GPRC5A: variants seen among roughly 807,000 people sequenced by gnomAD.
The protein encoded by GPRC5A is G protein-coupled receptor class C group 5 member A.
In GPRC5A, 19 loss-of-function variants were observed where a neutral mutation model predicts 22.5. The ratio of observed to expected loss-of-function variants is 0.85; its 90% CI spans 0.59 to 1.24. The LOEUF (loss-of-function observed/expected upper bound fraction) is 1.24, where lower values mean the gene tolerates loss of function less well. GPRC5A is among the 50% of genes most tolerant of loss of function. GPRC5A has a pLI of 0.00. For synonymous variants in GPRC5A, 192 were observed against 184.5 expected, an observed-to-expected ratio of 1.04 and a Z score of -0.33; for missense variants, 471 against 451.1, an observed-to-expected ratio of 1.04 and a Z score of -0.40.
At chr12:12,897,611 T>TC (rs1306245705) in intron 1 of GPRC5A, among the ~76,000 whole-genome samples, 60 of 146,238 alleles carry the variant, frequency 4.1e-4, no homozygotes, top group African/African-American at 1.3e-3. Context: ...ATACGCTTCT[T>TC]TTTTTTTTTT....
chr12:12,915,980 T>C lies in GPRC5A; in HGVS notation c.*3441T>C, dbSNP rs1339716660. On this transcript the variant is annotated 3_prime_UTR_variant, in exon 4 of 4. Transcript: ENST00000014914. ...CTGCGGCTGTTAACTCATCTTCAGG[T>C]CTCACACCTTCTGCACATAAATAAG... 4 of 427,740 alleles carry C rather than the reference T, an allele frequency of 9.4e-6. No individual in the cohort carries two copies. The highest frequency in any genetic ancestry group is 4.2e-5 in the African/African-American group (2 of 48,032). The allele number at this position is 427,740 out of a possible 1,614,324, so 26.5% of individuals were successfully genotyped here. A position where few individuals can be genotyped will look rare whatever the true frequency, so the allele number is the denominator to read the frequency against.
chr12:12,908,532 C>T lies in GPRC5A; in HGVS notation c.283C>T (p.Pro95Ser). 6.2e-7 allele frequency: 1 copy of T among 1,614,124 alleles called. No individual in the cohort carries two copies. Among genetic ancestry groups the T allele is most frequent in the Admixed American group, 1.7e-5 (1 of 59,996 alleles). ...FIIGLDGSTGPTRFFLFGILF... is the reference protein window; with the variant it reads ...FIIGLDGSTGSTRFFLFGILF... ...CATCGGACTGGACGGGAGCACAGGG[C>T]CCACACGCTTCTTCCTCTTTGGGAT... The change falls in exon 2 of 4, where the codon CCC becomes TCC. Residue 95 changes from proline (P) to serine (S), a missense_variant. By Grantham distance (74) the Pro-to-Ser change is moderately conservative (BLOSUM62 -1). Transcript: ENST00000014914.
rs1246797294 is a variant in GPRC5A at position 12,891,844 on chromosome 12, T to TCC, written c.-8+180_-8+181insCC. On this transcript the variant is annotated intron_variant, in intron 1 of 3. Transcript: ENST00000014914. ...CCTCTAGTTTAACAACTCAGATTTTTTTTTTTTTTTTTCCCCTTTGCGGGT... is the reference window on the plus strand; with the variant it reads ...CCTCTAGTTTAACAACTCAGATTTTTCCTTTTTTTTTTTTCCCCTTTGCGGGT... 583 of 150,708 alleles carry TCC rather than the reference T, an allele frequency of 3.9e-3. 4 individuals are homozygous for TCC. Among genetic ancestry groups the TCC allele is most frequent in the African/African-American group, 0.013 (547 of 40,768 alleles). The allele number at this position is 150,708 out of a possible 1,614,324, so 9.3% of individuals were successfully genotyped here. A position where few individuals can be genotyped will look rare whatever the true frequency, so the allele number is the denominator to read the frequency against.
At position 12,912,083 on chromosome 12, in the gene GPRC5A, G is replaced by A; in HGVS notation, c.923-1G>A. ...TAATTTCTCCTGTTCCTCCATTTCA[G>A]GTTTTGAAGAGACAGGGGACACGCT... On this transcript the variant is annotated splice_acceptor_variant, in intron 2 of 3. Coordinates refer to ENST00000014914, the MANE Select transcript of GPRC5A (RefSeq NM_003979.4). LOFTEE classifies it high-confidence loss of function. The A allele has an allele frequency of 2.5e-6, 4 of 1,610,792 alleles. No individual in the cohort carries two copies. Among genetic ancestry groups the A allele is most frequent in the East Asian group, 2.2e-5 (1 of 44,864 alleles).
chr12:12,902,981 C>G lies in GPRC5A; in HGVS notation c.-7-5262C>G, dbSNP rs564711067. 1.4e-4 allele frequency among the ~76,000 whole-genome samples: 22 copies of G among 152,212 alleles called. No individual in the cohort carries two copies. In the South Asian group the frequency reaches 4.6e-3, roughly 32 times the overall value. On this transcript the variant is annotated intron_variant, in intron 1 of 3. Coordinates refer to ENST00000014914, the MANE Select transcript of GPRC5A (RefSeq NM_003979.4). Reference sequence around the variant, plus strand: ...ACTCGGGAGGCTGAGGTAGGAGAACCGCTTGAACCTGGGAGGTGGAGGTTG... The same window carrying G: ...ACTCGGGAGGCTGAGGTAGGAGAACGGCTTGAACCTGGGAGGTGGAGGTTG...
intron 1 of GPRC5A, among the ~76,000 whole-genome samples, chr12:12,905,317 CCTT>C (rs1863929885): frequency 6.6e-6 from 1 of 152,150 alleles, no homozygotes; most frequent in Non-Finnish European, 1.5e-5. Flanking sequence ...TCATCTCTGT[CCTT>C]CTTTAGGGCT....
Position 12,915,137 on chromosome 12 carries a change from C to T in GPRC5A, c.*2598C>T, listed in dbSNP as rs1333601413. On this transcript the variant is annotated 3_prime_UTR_variant, in exon 4 of 4. Coordinates refer to ENST00000014914, the MANE Select transcript of GPRC5A (RefSeq NM_003979.4). ...CTGTGCTCGAGTGATTCTCCTGCCT[C>T]AGTCTCCTGAGTAGCTGGGACCACA... 1 of 150,924 alleles carries T rather than the reference C, an allele frequency of 6.6e-6. No homozygotes were observed. The highest frequency in any genetic ancestry group is 2.4e-5 in the African/African-American group (1 of 41,006). The allele number at this position is 150,924 out of a possible 1,614,324, so 9.3% of individuals were successfully genotyped here. A position where few individuals can be genotyped will look rare whatever the true frequency, so the allele number is the denominator to read the frequency against.
At position 12,914,469 on chromosome 12, in the gene GPRC5A, TTATC is replaced by T. The variant is rs934517734; in HGVS notation, c.*1935_*1938del. On this transcript the variant is annotated 3_prime_UTR_variant, in exon 4 of 4. Transcript: ENST00000014914. ...ATAAAGCAATGTGGTTTCACATATA[TTATC>T]TATCATAGGCTAGGGACTCAAGAAA... The T allele has an allele frequency of 4.6e-5, 7 of 152,304 alleles. No individual in the cohort carries two copies. The highest frequency in any genetic ancestry group is 1.7e-4 in the African/African-American group (7 of 41,550). The allele number at this position is 152,304 out of a possible 1,614,324, so 9.4% of individuals were successfully genotyped here.
At chr12:12,895,375 T>C (rs1863811291) in intron 1 of GPRC5A, among the ~76,000 whole-genome samples, 1 of 51,598 alleles carries the variant, frequency 1.9e-5, no homozygotes, top group South Asian at 4.9e-4. Context: ...TAGTTTAGTC[T>C]TTTTTTTTTT....
rs1863964708 is a variant in GPRC5A at position 12,908,362 on chromosome 12, G to T, written c.113G>T (p.Gly38Val). The T allele has an allele frequency of 1.2e-6, 2 of 1,614,000 alleles. No individual in the cohort carries two copies. Among genetic ancestry groups the T allele is most frequent in the African/African-American group, 1.3e-5 (1 of 75,048 alleles). ...GTCCTAGAAACGGTGGCCACAGCCG[G>T]GGTTGTGACCTCGGTGGCCTTCATG... ...GIVLETVATA[G>V]VVTSVAFMLT... Residue 38 changes from glycine (G) to valine (V), a missense_variant, in exon 2 of 4, where the codon GGG (glycine) becomes GTG (valine). By Grantham distance (109) the Gly-to-Val change is moderately radical. Transcript: ENST00000014914.
rs1863759033 is a variant in GPRC5A, at chr12:12,891,644, G to A, written c.-28G>A. On this transcript the variant is annotated 5_prime_UTR_variant, in exon 1 of 4. Transcript: ENST00000014914. ...GCGCGGGAAGCAGCACCAAGTTCAC[G>A]GCCAACGCCTTGGCACTAGGGTAAG... 1 of 152,274 alleles carries A rather than the reference G, an allele frequency of 6.6e-6. No individual in the cohort carries two copies. Among genetic ancestry groups the A allele is most frequent in the Non-Finnish European group, 1.5e-5 (1 of 68,126 alleles). The allele number at this position is 152,274 out of a possible 1,614,324, so 9.4% of individuals were successfully genotyped here.
chr12:12,897,346 T>C (rs954514216), intron 1 of GPRC5A, among the ~76,000 whole-genome samples: 1 of 151,454 alleles, frequency 6.6e-6, no homozygotes, highest in African/African-American at 2.4e-5. Flanking sequence ...AAGTGGATCA[T>C]AAATAGGAGG....
At chr12:12,911,749 A>G (rs1864007727) in intron 2 of GPRC5A, among the ~76,000 whole-genome samples, 1 of 152,094 alleles carries the variant, frequency 6.6e-6, no homozygotes, top group Non-Finnish European at 1.5e-5. Flanking sequence ...CGGCCGCCCA[A>G]AGTTCTGGGA....
intron 1 of GPRC5A, among the ~76,000 whole-genome samples, chr12:12,894,233 A>C (rs1333274838): frequency 6.6e-6 from 1 of 152,226 alleles, no homozygotes; most frequent in Non-Finnish European, 1.5e-5. Flanking sequence ...TTAGTAATGG[A>C]GATCTAATAA....
intron 1 of GPRC5A, among the ~76,000 whole-genome samples, chr12:12,894,380 T>C (rs1440880512): frequency 6.6e-6 from 1 of 152,200 alleles, no homozygotes; most frequent in Non-Finnish European, 1.5e-5. Context: ...AACTATAGTA[T>C]TGCCTTTGGG....
intron 1 of GPRC5A, among the ~76,000 whole-genome samples, chr12:12,901,114 C>T (rs1274730874): frequency 6.6e-6 from 1 of 151,994 alleles, no homozygotes; most frequent in African/African-American, 2.4e-5. Context: ...AGGGTCTCGT[C>T]CTCATACTCA....
At position 12,908,333 on chromosome 12, in the gene GPRC5A, C is replaced by T; in HGVS notation, c.84C>T (p.Gly28=). 6.2e-7 allele frequency: 1 copy of T among 1,613,814 alleles called. No individual in the cohort carries two copies. Among genetic ancestry groups the T allele is most frequent in the Non-Finnish European group, 8.5e-7 (1 of 1,179,798 alleles). ...TTTGTGATAAGGCTGAAGCTTGGGG[C>T]ATCGTCCTAGAAACGGTGGCCACAG... ...YRLCDKAEAW[G]IVLETVATAG... Residue 28 remains glycine (G), a synonymous_variant, in exon 2 of 4, where the codon GGC becomes GGT. Coordinates refer to ENST00000014914, the MANE Select transcript of GPRC5A (RefSeq NM_003979.4).
In GPRC5A at chr12:12,914,758, GGCGT is replaced by G. The variant is rs59742999; in HGVS notation, c.*2227_*2230del. The stretch of plus-strand genomic sequence containing the variant: ...GGCCTTCTGAGTAGCTGGGATTACA[GGCGT>G]GCGTGCGCCACCACGCCTGGCTAAT... On this transcript the variant is annotated 3_prime_UTR_variant, in exon 4 of 4. Coordinates refer to ENST00000014914, the MANE Select transcript of GPRC5A (RefSeq NM_003979.4). 0.29 allele frequency: 44,295 copies of G among 150,580 alleles called. 8,061 individuals are homozygous for G. Among genetic ancestry groups the G allele is most frequent in the East Asian group, 0.73 (3,630 of 4,992 alleles). 9.3% of individuals were successfully genotyped at this position (150,580 alleles called of 1,614,324 possible).
intron 1 of GPRC5A, among the ~76,000 whole-genome samples, chr12:12,898,415 C>T (rs921417530): frequency 2.6e-5 from 4 of 152,000 alleles, no homozygotes; most frequent in African/African-American, 9.7e-5. Flanking sequence ...GCACCTGTCC[C>T]AGCTATTCAG....
Sources: allele counts gnomAD v4.1 joint callset (sites outside exome capture counted in the v4.1 genomes callset), GRCh38; gene constraint gnomAD v4.1.1; transcripts MANE v1.5; gene names NCBI Gene and HGNC (gene_info 2026-07-23, HGNC 2026-07-21).